The following UST variants were observed in gnomAD, a reference collection of about 807,000 sequenced individuals.
UST encodes the protein chondroitin sulfate 2-O-sulfotransferase.
Under a neutral mutation model 45.6 loss-of-function variants are expected in UST, and 21 were observed. The observed-to-expected ratio is 0.46, with a 90% CI of 0.33 to 0.66. The LOEUF is 0.66. Among genes scored for constraint, UST ranks in the 30% least tolerant of loss-of-function variants. The pLI, the probability that UST is intolerant of heterozygous loss-of-function variation, is 0.02. For missense variants in UST, 463 were observed against 512.4 expected (o/e 0.90, Z 0.93); for synonymous variants, 215 against 200.6 (o/e 1.07, Z -0.61).
intron 7 of UST, among the ~76,000 whole-genome samples, chr6:149,035,839 G>A (rs1307207442): frequency 1.3e-5 from 2 of 151,976 alleles, no homozygotes; most frequent in Admixed American, 6.6e-5. Flanking sequence ...AGTGGACCTC[G>A]CTTGAGGATA....
intron 1 of UST, among the ~76,000 whole-genome samples, chr6:148,877,075 GTAT>G (rs1437742110): frequency 2.4e-5 from 1 of 42,072 alleles, no homozygotes; most frequent in South Asian, 1.7e-3. Flanking sequence ...GGGGGGTTAT[GTAT>G]TATTGTGGGG....
rs1582784944 is a variant in UST at position 148,748,273 on chromosome 6, G to T, written c.247+596G>T. 6.6e-6 allele frequency among the ~76,000 whole-genome samples: 1 copy of T among 152,162 alleles called. No individual in the cohort carries two copies. Among genetic ancestry groups the T allele is most frequent in the Non-Finnish European group, 1.5e-5 (1 of 68,034 alleles). ...CCCCGCCGCCCGCAGCTAGCCTGGCGCGGGGAACGGGTTGCATCCAGGGGT... is the reference window on the plus strand; with the variant it reads ...CCCCGCCGCCCGCAGCTAGCCTGGCTCGGGGAACGGGTTGCATCCAGGGGT... On this transcript the variant is annotated intron_variant, in intron 1 of 7. Transcript: ENST00000367463. The surrounding 1 kb of genome is among the most constrained non-coding windows in gnomAD (Gnocchi z 5.3).
intron 2 of UST, among the ~76,000 whole-genome samples, chr6:148,923,269 T>G (rs2114899307): frequency 1.3e-5 from 2 of 152,354 alleles, no homozygotes; most frequent in South Asian, 2.1e-4. Flanking sequence ...TACAAGACTT[T>G]GGGGACATAT....
At chr6:149,020,389 A>G (rs1020796648) in intron 6 of UST, among the ~76,000 whole-genome samples, 1 of 152,174 alleles carries the variant, frequency 6.6e-6, no homozygotes, top group East Asian at 1.9e-4. Context: ...TTGGGGCTGG[A>G]TGACTCACTT....
intron 1 of UST, among the ~76,000 whole-genome samples, chr6:148,817,752 G>A (rs1247435719): frequency 6.6e-6 from 1 of 152,204 alleles, no homozygotes; most frequent in Non-Finnish European, 1.5e-5. Context: ...TGTTTCTTAT[G>A]AGACCTAAGG....
chr6:148,917,043 G>T (rs747892120), intron 2 of UST, among the ~76,000 whole-genome samples: 1 of 152,182 alleles, frequency 6.6e-6, no homozygotes, highest in Non-Finnish European at 1.5e-5. Flanking sequence ...AGTGTGCAAA[G>T]AGGAGAAAGG....
At chr6:149,062,570 A>C (rs562916769) in intron 7 of UST, among the ~76,000 whole-genome samples, 78 of 152,336 alleles carry the variant, frequency 5.1e-4, no homozygotes, top group African/African-American at 1.7e-3. Context: ...TTACCAAAGC[A>C]TTCCCCTCAT....
intron 1 of UST, among the ~76,000 whole-genome samples, chr6:148,769,878 T>C (rs920129155): frequency 5.3e-5 from 8 of 152,200 alleles, no homozygotes; most frequent in South Asian, 2.1e-4. Flanking sequence ...TCACTTTTTT[T>C]TTTTTATAGG....
At position 148,822,862 on chromosome 6, in the gene UST, A is replaced by G. The variant is rs564544840; in HGVS notation, c.248-64124A>G. Among the ~76,000 whole-genome samples, 7 of 152,372 alleles carry G rather than the reference A, an allele frequency of 4.6e-5. No homozygotes were observed. In the South Asian group the frequency reaches 1.4e-3, roughly 32 times the overall value. On this transcript the variant is annotated intron_variant, in intron 1 of 7. Coordinates refer to ENST00000367463, the MANE Select transcript of UST (RefSeq NM_005715.3). ...AGTGCAAACATTTCTGTGTGTGTGT[A>G]AAGAATAAATAAGATTTTAATTGTT...
At chr6:148,821,759 G>A (rs890681713) in intron 1 of UST, among the ~76,000 whole-genome samples, 2 of 151,988 alleles carry the variant, frequency 1.3e-5, no homozygotes, top group African/African-American at 4.8e-5. Flanking sequence ...TTTATAAGTT[G>A]GTATTCCACT....
intron 7 of UST, among the ~76,000 whole-genome samples, chr6:149,023,143 TGTGTGTG>T (rs1210815172): frequency 1.2e-3 from 152 of 122,666 alleles, no homozygotes; most frequent in South Asian, 2.2e-3. Flanking sequence ...TGTGTGTGTG[TGTGTGTG>T]GTGTGGTGTG....
chr6:148,780,982 T>C (rs2878047), intron 1 of UST, among the ~76,000 whole-genome samples: 113,487 of 151,902 alleles, frequency 0.75, 42,442 homozygotes, highest in Middle Eastern at 0.87. Context: ...CTGTCTCTCT[T>C]CCTCTCCTTG....
At position 148,838,353 on chromosome 6, in the gene UST, G is replaced by T. The variant is rs1250806529; in HGVS notation, c.248-48633G>T. Among the ~76,000 whole-genome samples the T allele has an allele frequency of 2.6e-5, 4 of 152,180 alleles. No homozygotes were observed. The South Asian group carries it at 6.2e-4, about 24-fold the overall frequency. ...AGTGCCAGGACACGAGGTCAGAGAG[G>T]AAGTGGGTCCAGATCAGCTAGGAAT... On this transcript the variant is annotated intron_variant, in intron 1 of 7. Transcript: ENST00000367463.
intron 1 of UST, among the ~76,000 whole-genome samples, chr6:148,778,081 T>G (rs909305864): frequency 6.6e-6 from 1 of 152,228 alleles, no homozygotes; most frequent in African/African-American, 2.4e-5. Flanking sequence ...GTCCCCATTC[T>G]TAAGCAATGC....
At position 149,046,822 on chromosome 6, in the gene UST, G is replaced by T. The variant is rs185116906; in HGVS notation, c.937+25341G>T. ...TTTGAAAGGAGAGACCAACACAATT[G>T]TTCCAAAGTCTCTCATGATGCAGAT... is the stretch of plus-strand genomic sequence containing the variant. On this transcript the variant is annotated intron_variant, in intron 7 of 7. Transcript: ENST00000367463. Among the ~76,000 whole-genome samples the T allele has an allele frequency of 1.5e-3, 230 of 152,324 alleles. 1 individual carries two copies. The highest frequency in any genetic ancestry group is 1.2e-3 in the Non-Finnish European group (79 of 68,036).
intron 2 of UST, among the ~76,000 whole-genome samples, chr6:148,890,120 A>C (rs966902202): frequency 6.6e-6 from 1 of 152,238 alleles, no homozygotes; most frequent in Admixed American, 6.5e-5. Flanking sequence ...GGATTGGAGC[A>C]GCAAAATACT....
chr6:149,045,245 G>A lies in UST; in HGVS notation c.937+23764G>A, dbSNP rs565794168. ...GTGCATTTGAAATTTGTCATTTTTT[G>A]TGAAACTGGGTTTTTATTTTGAGAG... is the stretch of plus-strand genomic sequence containing the variant. On this transcript the variant is annotated intron_variant, in intron 7 of 7. Transcript: ENST00000367463. 2.0e-5 allele frequency among the ~76,000 whole-genome samples: 3 copies of A among 152,250 alleles called. No homozygotes were observed. The South Asian group carries it at 6.2e-4, about 32-fold the overall frequency.
chr6:148,792,385 A>AATT (rs1776866834), intron 1 of UST, among the ~76,000 whole-genome samples: 1 of 152,174 alleles, frequency 6.6e-6, no homozygotes, highest in African/African-American at 2.4e-5. Context: ...TCCTGCTAAT[A>AATT]CCAAGCCCCT....
intron 5 of UST, among the ~76,000 whole-genome samples, chr6:149,015,325 A>C (rs1277386634): frequency 1.3e-5 from 2 of 152,254 alleles, no homozygotes; most frequent in Admixed American, 6.5e-5. Flanking sequence ...ATTTTTGTAC[A>C]GTGTTGGCAA....
Sources: gnomAD v4.1 joint callset for allele counts (sites outside exome capture counted in the v4.1 genomes callset) on GRCh38, gnomAD v4.1.1 for gene constraint, Gnocchi (gnomAD v3.1) non-coding constraint, MANE v1.5 for transcripts, NCBI Gene and HGNC (gene_info 2026-07-23, HGNC 2026-07-21) for gene names.